The following ITSN1 variants were observed in gnomAD, a reference collection of about 807,000 sequenced individuals.
The protein encoded by ITSN1 is intersectin-1.
Under a neutral mutation model 239.8 loss-of-function variants are expected in ITSN1, and 58 were observed. The ratio of observed to expected loss-of-function variants is 0.24; its 90% CI spans 0.20 to 0.30. ITSN1 has a LOEUF of 0.30. Among genes scored for constraint, ITSN1 ranks in the 10% least tolerant of loss-of-function variants. ITSN1 has a pLI of 1.00. For synonymous variants in ITSN1, 780 were observed against 770.8 expected, an observed-to-expected ratio of 1.01 and a Z score of -0.20; for missense variants, 1,558 against 2,103.3, an observed-to-expected ratio of 0.74 and a Z score of 5.07.
intron 1 of ITSN1, among the ~76,000 whole-genome samples, chr21:33,682,703 T>C (rs2091034827): frequency 6.6e-6 from 1 of 151,892 alleles, no homozygotes; most frequent in Non-Finnish European, 1.5e-5. Context: ...AATTTTTGTA[T>C]TTTTAGTAGA....
At position 33,772,425 on chromosome 21, in the gene ITSN1, C is replaced by G; in HGVS notation, c.1305+102C>G. 2.1e-6 allele frequency: 3 copies of G among 1,399,940 alleles called. No individual in the cohort carries two copies. In the South Asian group the frequency reaches 4.2e-5, roughly 20 times the overall value. The allele number at this position is 1,399,940 out of a possible 1,614,324, so 86.7% of individuals were successfully genotyped here. A position where few individuals can be genotyped will look rare whatever the true frequency, so the allele number is the denominator to read the frequency against. ...ACGCCATCTTTGTCTTTTTACAATT[C>G]AGTAGTTTTAGTATATTCCCAAAGT... On this transcript the variant is annotated intron_variant, in intron 12 of 39. Transcript: ENST00000381318.
At chr21:33,877,393 T>C (rs11909561) in intron 34 of ITSN1, among the ~76,000 whole-genome samples, 8,238 of 152,190 alleles carry the variant, frequency 0.054, 324 homozygotes, top group African/African-American at 0.12. Flanking sequence ...GTATTCCTTC[T>C]GGAAGGACTG....
chr21:33,664,010 A>G (rs775409865), intron 1 of ITSN1, among the ~76,000 whole-genome samples: 27 of 152,176 alleles, frequency 1.8e-4, no homozygotes, highest in Non-Finnish European at 3.4e-4. Context: ...ATTTTCCTAA[A>G]AAGTCCTCAG....
At chr21:33,731,118 C>T (rs538539578) in intron 4 of ITSN1, among the ~76,000 whole-genome samples, 5 of 152,270 alleles carry the variant, frequency 3.3e-5, no homozygotes, top group South Asian at 2.1e-4. Context: ...TTGGGATTGT[C>T]GTATGTGGTT....
At chr21:33,651,379 G>A (rs1021010131) in intron 1 of ITSN1, among the ~76,000 whole-genome samples, 2 of 152,168 alleles carry the variant, frequency 1.3e-5, no homozygotes, top group Non-Finnish European at 2.9e-5. Context: ...CCATTGACTC[G>A]GCTTCCAGCT....
chr21:33,827,511 G>A (rs1271181810), intron 26 of ITSN1, among the ~76,000 whole-genome samples: 1 of 152,162 alleles, frequency 6.6e-6, no homozygotes, highest in Non-Finnish European at 1.5e-5. Context: ...CTGCTTCTCC[G>A]TCTTCCTCTT....
chr21:33,747,079 G>A (rs746909944), intron 5 of ITSN1, among the ~76,000 whole-genome samples: 3 of 152,116 alleles, frequency 2.0e-5, no homozygotes, highest in Admixed American at 6.5e-5. Flanking sequence ...ACTTGAACCC[G>A]GGAAGTGGAG....
At chr21:33,874,233 T>C (rs1983284313) in intron 33 of ITSN1, among the ~76,000 whole-genome samples, 1 of 151,348 alleles carries the variant, frequency 6.6e-6, no homozygotes, top group Non-Finnish European at 1.5e-5. Context: ...GGCAGGGATT[T>C]AAATTCAGGA....
At chr21:33,868,494 G>C (rs1334396189) in intron 33 of ITSN1, among the ~76,000 whole-genome samples, 8 of 152,200 alleles carry the variant, frequency 5.3e-5, no homozygotes, top group Non-Finnish European at 1.0e-4. Context: ...CTGAGAAATC[G>C]AGCGCAGCGC....
intron 16 of ITSN1, among the ~76,000 whole-genome samples, chr21:33,785,709 C>T (rs562690883): frequency 3.3e-5 from 5 of 152,164 alleles, no homozygotes; most frequent in African/African-American, 4.8e-5. Flanking sequence ...TACTTATAAT[C>T]GTGATCTTCT....
chr21:33,731,647 C>G (rs927085560), intron 4 of ITSN1, among the ~76,000 whole-genome samples: 1 of 152,108 alleles, frequency 6.6e-6, no homozygotes, highest in African/African-American at 2.4e-5. Flanking sequence ...AAGATTGGTT[C>G]AGAGTCGAAA....
intron 1 of ITSN1, among the ~76,000 whole-genome samples, chr21:33,652,310 C>T (rs931838939): frequency 6.6e-6 from 1 of 152,092 alleles, no homozygotes; most frequent in African/African-American, 2.4e-5. Flanking sequence ...ATGAAATCTT[C>T]TGATTTTTAT....
chr21:33,875,879 C>T (rs1002798617), intron 34 of ITSN1, among the ~76,000 whole-genome samples: 4 of 152,164 alleles, frequency 2.6e-5, no homozygotes, highest in Non-Finnish European at 4.4e-5. Flanking sequence ...TGGGGTTTCC[C>T]GTGTTGGCCA....
chr21:33,645,432 G>C (rs1601395898), intron 1 of ITSN1, among the ~76,000 whole-genome samples: 1 of 152,124 alleles, frequency 6.6e-6, no homozygotes, highest in African/African-American at 2.4e-5. Flanking sequence ...CTTGGGCCCA[G>C]GAATTTGAGA....
intron 29 of ITSN1, among the ~76,000 whole-genome samples, chr21:33,845,954 G>T (rs1242130037): frequency 6.6e-6 from 1 of 152,218 alleles, no homozygotes; most frequent in Non-Finnish European, 1.5e-5. Context: ...AGCAGGAAGG[G>T]ATGGGGGTGC....
At chr21:33,790,248 A>G (rs2071005241) in intron 16 of ITSN1, among the ~76,000 whole-genome samples, 1 of 151,700 alleles carries the variant, frequency 6.6e-6, no homozygotes, top group Non-Finnish European at 1.5e-5. Context: ...ATAAATTGTG[A>G]TTTTTTAAAA....
At chr21:33,868,357 G>C (rs868539203) in intron 33 of ITSN1, among the ~76,000 whole-genome samples, 2 of 152,262 alleles carry the variant, frequency 1.3e-5, no homozygotes, top group African/African-American at 2.4e-5. Context: ...ACTGGGCGCC[G>C]TGGAGCAGGG....
chr21:33,769,519 C>T (rs1368525655), intron 11 of ITSN1, among the ~76,000 whole-genome samples: 1 of 152,138 alleles, frequency 6.6e-6, no homozygotes, highest in Non-Finnish European at 1.5e-5. Context: ...TTATCTCTCA[C>T]CGTTCTGGAG....
chr21:33,802,533 C>A, intron 20 of ITSN1, 89 bp downstream of exon 20: 1 of 1,302,034 alleles, frequency 7.7e-7, no homozygotes, highest in Non-Finnish European at 1.1e-6. Context: ...GTACACGTAT[C>A]TCTGGGTGTT....
Sources: gnomAD v4.1 joint callset for allele counts (sites outside exome capture counted in the v4.1 genomes callset) on GRCh38, gnomAD v4.1.1 for gene constraint, MANE v1.5 for transcripts, NCBI Gene and HGNC (gene_info 2026-07-23, HGNC 2026-07-21) for gene names.